Variants in PHIP observed in about 807,000 individuals in gnomAD.
PHIP encodes PHIP subunit of CUL4-Ring ligase complex.
Under a neutral mutation model 236.8 loss-of-function variants are expected in PHIP, and 54 were observed. The ratio of observed to expected loss-of-function variants is 0.23; its 90% confidence interval spans 0.18 to 0.29. The LOEUF (loss-of-function observed/expected upper bound fraction) is 0.29. Ranked by LOEUF, PHIP falls within the 10% of genes least tolerant of loss-of-function variation. The pLI is 1.00. For missense variants in PHIP, 1,370 were observed against 2,190.8 expected (o/e 0.63, Z 7.48); for synonymous variants, 756 against 718.9 (o/e 1.05, Z -0.83).
At chr6:79,050,029 A>T (rs1450054191) in intron 6 of PHIP, among the ~76,000 whole-genome samples, 1 of 152,154 alleles carries the variant, frequency 6.6e-6, no homozygotes, top group Non-Finnish European at 1.5e-5. Context: ...AAAGCCAGGC[A>T]TCAAACCCTT....
At chr6:79,056,341 A>T (rs1307903786) in intron 6 of PHIP, among the ~76,000 whole-genome samples, 1 of 152,216 alleles carries the variant, frequency 6.6e-6, no homozygotes. Context: ...GGCTGATTCT[A>T]AGAACTGCCA....
At chr6:79,036,781 C>T (rs962788195) in intron 7 of PHIP, among the ~76,000 whole-genome samples, 2 of 151,580 alleles carry the variant, frequency 1.3e-5, no homozygotes, top group African/African-American at 2.4e-5. Context: ...ATTAGCCAGG[C>T]GTGGTGGTGG....
chr6:79,003,702 G>A, intron 16 of PHIP, 28 bp downstream of exon 16: 1 of 1,510,382 alleles, frequency 6.6e-7, no homozygotes, highest in Non-Finnish European at 8.9e-7. Flanking sequence ...AAAAAATAAG[G>A]ACATGATATA....
intron 8 of PHIP, 48 bp downstream of exon 8, chr6:79,025,895 A>G: frequency 7.6e-7 from 1 of 1,324,428 alleles, no homozygotes; most frequent in Non-Finnish European, 1.1e-6. Flanking sequence ...TTTACTTTAC[A>G]TTATAACAAC....
At chr6:79,045,217 C>T (rs2127761893) in intron 6 of PHIP, among the ~76,000 whole-genome samples, 1 of 152,176 alleles carries the variant, frequency 6.6e-6, no homozygotes, top group Middle Eastern at 3.4e-3. Flanking sequence ...ACAGAAAGAA[C>T]ATACGTAGAT....
chr6:78,962,746 C>CAT (rs1235069105), intron 30 of PHIP, among the ~76,000 whole-genome samples: 10 of 152,096 alleles, frequency 6.6e-5, no homozygotes, highest in Non-Finnish European at 1.2e-4. Context: ...ACAAGCTACC[C>CAT]ATATAATTAT....
chr6:79,077,756 AG>A (rs751354175), intron 2 of PHIP, 27 bp from the exon 3 acceptor site: 58 of 982,132 alleles, frequency 5.9e-5, no homozygotes, highest in African/African-American at 1.3e-4. Context: ...GGGAGAGCTG[AG>A]CCCCGCGCCC....
intron 39 of PHIP, among the ~76,000 whole-genome samples, chr6:78,944,132 C>G (rs1773672183): frequency 6.6e-6 from 1 of 151,704 alleles, no homozygotes; most frequent in Non-Finnish European, 1.5e-5. Flanking sequence ...AGACATTCCC[C>G]CAAAAGGAGA....
At chr6:78,979,786 T>C (rs114297365) in intron 23 of PHIP, among the ~76,000 whole-genome samples, 282 of 152,226 alleles carry the variant, frequency 1.9e-3, no homozygotes, top group African/African-American at 6.1e-3. Flanking sequence ...TACTTGTTTT[T>C]TTAAAAACAA....
Position 78,940,937 on chromosome 6 carries a change from C to T in PHIP, c.5222G>A (p.Ser1741Asn), listed in dbSNP as rs1295488128. ...VPASVKVLRR[S>N]NRKKIDDPID... is the part of the protein sequence containing the mutation. ...AGGATCATCTATCTTTTTTCGGTTA[C>T]TTCTCCTTAACACTTTGACACTTGC... The change falls in exon 40 of 40, where the codon AGT (serine) becomes AAT (asparagine). Residue 1741 changes from serine to asparagine, a missense_variant. By Grantham distance (46) the Ser-to-Asn change is conservative. This residue lies in a region of PHIP where 309 missense variants were observed against 328.3 expected (regional missense o/e 0.94). Transcript: ENST00000275034. 1 of 1,613,944 alleles carries T rather than the reference C, an allele frequency of 6.2e-7. No individual in the cohort carries two copies. Among genetic ancestry groups the T allele is most frequent in the Non-Finnish European group, 8.5e-7 (1 of 1,179,918 alleles).
intron 23 of PHIP, 102 bp from the exon 24 acceptor site, chr6:78,978,813 A>G: frequency 1.1e-6 from 1 of 941,900 alleles, no homozygotes. Context: ...ATAAAAGGGG[A>G]AGGGCACCAT....
intron 2 of PHIP, 31 bp downstream of exon 2, chr6:79,077,824 C>G (rs915992765): frequency 7.7e-7 from 1 of 1,306,748 alleles, no homozygotes; most frequent in Non-Finnish European, 9.8e-7. Flanking sequence ...GCGGCGAGCG[C>G]CGGCCCGGCC....
intron 24 of PHIP, among the ~76,000 whole-genome samples, chr6:78,975,024 G>A (rs1274669256): frequency 6.6e-6 from 1 of 151,268 alleles, no homozygotes. Flanking sequence ...CTCATTTTAT[G>A]AGGCCAGCAT....
chr6:78,961,835 A>G, intron 30 of PHIP, 25 bp from the exon 31 acceptor site: 2 of 1,563,828 alleles, frequency 1.3e-6, no homozygotes, highest in South Asian at 2.4e-5. Flanking sequence ...TAAGTTTGTA[A>G]ATTTATTTTT....
chr6:78,994,786 T>C (rs1057115599), intron 19 of PHIP, among the ~76,000 whole-genome samples: 1 of 152,182 alleles, frequency 6.6e-6, no homozygotes, highest in Non-Finnish European at 1.5e-5. Flanking sequence ...CCAGCAGCCA[T>C]CAACATCGAG....
At chr6:79,031,611 T>C (rs1365819362) in intron 7 of PHIP, among the ~76,000 whole-genome samples, 2 of 152,212 alleles carry the variant, frequency 1.3e-5, no homozygotes, top group Non-Finnish European at 2.9e-5. Context: ...TAGCTTAGTC[T>C]ACTGCCACAC....
chr6:79,047,015 G>A (rs576842986), intron 6 of PHIP, among the ~76,000 whole-genome samples: 3 of 152,136 alleles, frequency 2.0e-5, no homozygotes, highest in Admixed American at 2.0e-4. Flanking sequence ...GGGAAATAAG[G>A]GGAGAACGTA....
At chr6:78,970,275 C>A (rs1214972954) in intron 25 of PHIP, 102 bp from the exon 26 acceptor site, 2 of 961,928 alleles carry the variant, frequency 2.1e-6, no homozygotes, top group African/African-American at 3.3e-5. Flanking sequence ...AAATCTTGAT[C>A]TGGATGGTGA....
chr6:79,002,036 G>A lies in PHIP; in HGVS notation c.1742C>T (p.Ala581Val). The change falls in exon 17 of 40, where the codon GCA becomes GTA. Residue 581 changes from alanine to valine, a missense_variant. Physicochemically the swap from Ala to Val is moderately conservative, Grantham distance 64. Transcript: ENST00000275034. ...AAAAGGGGGAGGCATAAGATGAGGT[G>A]CTTGCTGAGTCTGTTCATCTAATAC... ...NFVLDEQTQQ[A>V]PHLMPPPFLV... 1 of 1,613,226 alleles carries A rather than the reference G, an allele frequency of 6.2e-7. No homozygotes were observed.
Sources: gnomAD v4.1 joint callset for allele counts (sites outside exome capture counted in the v4.1 genomes callset) on GRCh38, gnomAD v4.1.1 for gene constraint, gnomAD v4.1.1 regional missense constraint, MANE v1.5 for transcripts, NCBI Gene and HGNC (gene_info 2026-07-23, HGNC 2026-07-21) for gene names.